Variants in KLF12 observed in about 807,000 individuals in gnomAD.
The protein encoded by KLF12 is Krueppel-like factor 12.
KLF12 carries 9 observed loss-of-function variants against 37.8 expected under a neutral mutation model. The ratio of observed to expected loss-of-function variants is 0.24; its 90% CI spans 0.14 to 0.42. The LOEUF (loss-of-function observed/expected upper bound fraction) is 0.42. KLF12 is among the 10% of genes least tolerant of loss of function. KLF12 has a pLI of 1.00. For synonymous variants in KLF12, 208 were observed against 202.1 expected (o/e 1.03, Z -0.25); for missense variants, 411 against 516.0 (o/e 0.80, Z 1.97).
chr13:73,707,604 G>A (rs1193558769), intron 7 of KLF12, among the ~76,000 whole-genome samples: 1 of 151,732 alleles, frequency 6.6e-6, no homozygotes, highest in African/African-American at 2.4e-5. Context: ...GAACCTAGAT[G>A]GGGGGGTCTG....
At chr13:74,281,383 T>G in the KLF12 span, among the ~76,000 whole-genome samples, 1 of 152,192 alleles carries the variant, frequency 6.6e-6, no homozygotes, top group Admixed American at 6.5e-5. Context: ...GAATTAAGAC[T>G]TAAAGAATGT....
At chr13:73,778,321 C>G (rs1261733764) in intron 5 of KLF12, among the ~76,000 whole-genome samples, 1 of 152,142 alleles carries the variant, frequency 6.6e-6, no homozygotes, top group African/African-American at 2.4e-5. Context: ...GCAAGAGCTT[C>G]CATGAACTTT....
chr13:74,275,878 CTTCTTTCTTTCTTTCTTTCTTTCT>C, the KLF12 span, among the ~76,000 whole-genome samples: 7 of 52,984 alleles, frequency 1.3e-4, no homozygotes, highest in African/African-American at 4.6e-4. Context: ...ATCTTTCTTT[CTTCTTTCTTTCTTTCTTTCTTTCT>C]TTCTTTCTTT....
At chr13:74,147,855 C>T in the KLF12 span, among the ~76,000 whole-genome samples, 16 of 152,206 alleles carry the variant, frequency 1.1e-4, no homozygotes, top group African/African-American at 3.9e-4. Flanking sequence ...CCATTTTGAG[C>T]TTCTTTATCT....
In KLF12 at chr13:74,116,625, GA is replaced by G. The variant is rs1237996711; in HGVS notation, c.-32+17113del. On this transcript the variant is annotated intron_variant, in intron 1 of 7. Coordinates refer to ENST00000377669, the MANE Select transcript of KLF12 (RefSeq NM_007249.5). ...TAAGATGTCATAGCAGAACTTTTCA[GA>G]AAGTATTTTAATCTTACAAAGATCA... 2.0e-5 allele frequency among the ~76,000 whole-genome samples: 3 copies of G among 152,158 alleles called. No individual in the cohort carries two copies. In the East Asian group the frequency reaches 5.8e-4, roughly 29 times the overall value.
chr13:73,786,990 C>T (rs1881394863), intron 5 of KLF12, among the ~76,000 whole-genome samples: 3 of 152,054 alleles, frequency 2.0e-5, no homozygotes, highest in Admixed American at 2.0e-4. Flanking sequence ...ATGAAGCCCT[C>T]CTGGACCACC....
intron 1 of KLF12, among the ~76,000 whole-genome samples, chr13:74,094,658 G>A (rs1348235658): frequency 2.6e-5 from 4 of 151,124 alleles, no homozygotes; most frequent in South Asian, 2.1e-4. Flanking sequence ...GGAGGGCAGC[G>A]GCCCCACCTC....
upstream of KLF12, among the ~76,000 whole-genome samples, chr13:74,134,436 C>T (rs901516128): frequency 2.6e-5 from 4 of 151,964 alleles, no homozygotes; most frequent in East Asian, 7.8e-4. Context: ...GAAACTAACC[C>T]CTCCCCGCTC....
intron 7 of KLF12, among the ~76,000 whole-genome samples, chr13:73,703,542 T>C (rs1384737461): frequency 6.6e-6 from 1 of 152,240 alleles, no homozygotes; most frequent in African/African-American, 2.4e-5. Context: ...TTAGGTATTA[T>C]GAAGACCAAG....
intron 3 of KLF12, among the ~76,000 whole-genome samples, chr13:73,942,434 T>C (rs1593763347): frequency 6.6e-6 from 1 of 152,202 alleles, no homozygotes; most frequent in Middle Eastern, 3.4e-3. Context: ...AAACTCATGA[T>C]AATGCAACTA....
At chr13:73,708,496 T>A (rs965237703) in intron 7 of KLF12, among the ~76,000 whole-genome samples, 2 of 152,222 alleles carry the variant, frequency 1.3e-5, no homozygotes, top group South Asian at 2.1e-4. Context: ...TCCATTTTAA[T>A]GTCATGTCAT....
intron 1 of KLF12, among the ~76,000 whole-genome samples, chr13:74,117,415 T>G (rs1005249598): frequency 6.6e-6 from 1 of 152,198 alleles, no homozygotes. Flanking sequence ...ACTAACACAG[T>G]ATTAGCTTAT....
chr13:73,755,808 G>A (rs148937380), intron 6 of KLF12, among the ~76,000 whole-genome samples: 2,709 of 150,844 alleles, frequency 0.018, 31 homozygotes, highest in African/African-American at 0.028. Context: ...ATGCTTTTGC[G>A]TCCTCATAGC....
At chr13:74,231,201 T>C in the KLF12 span, among the ~76,000 whole-genome samples, 3 of 145,554 alleles carry the variant, frequency 2.1e-5, no homozygotes, top group Non-Finnish European at 4.5e-5. Context: ...AGGGACCATG[T>C]CATTTTTTTT....
chr13:74,125,432 C>T, intron 1 of KLF12, among the ~76,000 whole-genome samples: 1 of 152,128 alleles, frequency 6.6e-6, no homozygotes, highest in East Asian at 1.9e-4. Flanking sequence ...ACTAACGATA[C>T]TGGATATTGT....
intron 3 of KLF12, among the ~76,000 whole-genome samples, chr13:73,940,131 C>T (rs998777175): frequency 6.6e-6 from 1 of 152,092 alleles, no homozygotes; most frequent in African/African-American, 2.4e-5. Context: ...TGTGATAGTT[C>T]TAATACTCTT....
At chr13:74,117,119 T>C (rs1371420097) in intron 1 of KLF12, among the ~76,000 whole-genome samples, 1 of 152,192 alleles carries the variant, frequency 6.6e-6, no homozygotes, top group East Asian at 1.9e-4. Context: ...CTGATTCTGA[T>C]CAACTTGATT....
chr13:73,774,147 A>G (rs969527378), intron 5 of KLF12, among the ~76,000 whole-genome samples: 8 of 152,156 alleles, frequency 5.3e-5, no homozygotes, highest in African/African-American at 1.7e-4. Context: ...ATACTGTTGT[A>G]TAAATAAAAA....
Position 73,784,304 on chromosome 13 carries a change from T to C in KLF12, c.807-19304A>G, listed in dbSNP as rs570972181. 2.6e-5 allele frequency among the ~76,000 whole-genome samples: 4 copies of C among 152,250 alleles called. No homozygotes were observed. In the South Asian group the frequency reaches 8.3e-4, roughly 32 times the overall value. ...CAAAAACCATCAAAGGGGTTCTCAA[T>C]ATGTATAAAATTAACCCTTAACTCC... On this transcript the variant is annotated intron_variant, in intron 5 of 7. Transcript: ENST00000377669.
Sources: allele counts gnomAD v4.1 joint callset (sites outside exome capture counted in the v4.1 genomes callset), GRCh38; gene constraint gnomAD v4.1.1; transcripts MANE v1.5; gene names NCBI Gene and HGNC (gene_info 2026-07-23, HGNC 2026-07-21).